Variants in DISP1 observed in about 807,000 individuals in gnomAD.
DISP1 encodes dispatched RND transporter family member 1.
A neutral mutation model predicts 37.3 loss-of-function variants in DISP1; 30 were observed. The observed-to-expected ratio is 0.80, with a 90% CI of 0.60 to 1.09. The LOEUF (loss-of-function observed/expected upper bound fraction) is 1.09, where lower values mean the gene tolerates loss of function less well. Ranked by LOEUF, DISP1 falls within the 50% of genes least tolerant of loss-of-function variation. The pLI is 0.00. For missense variants in DISP1, 1,598 were observed against 1,879.5 expected, an observed-to-expected ratio of 0.85 and a Z score of 2.77; for synonymous variants, 634 against 690.2, an observed-to-expected ratio of 0.92 and a Z score of 1.28.
intron 1 of DISP1, among the ~76,000 whole-genome samples, chr1:222,860,363 C>T (rs1668810230): frequency 6.6e-6 from 1 of 152,044 alleles, no homozygotes; most frequent in Non-Finnish European, 1.5e-5. Flanking sequence ...CTCATTTATT[C>T]TTTAAGTGAT....
intron 1 of DISP1, among the ~76,000 whole-genome samples, chr1:222,878,834 C>A (rs775932142): frequency 4.9e-4 from 74 of 152,074 alleles, no homozygotes; most frequent in Admixed American, 3.3e-4. Context: ...TTAAAAAGAT[C>A]TTTAAGGGAG....
chr1:222,851,541 A>G (rs1200863618), intron 1 of DISP1, among the ~76,000 whole-genome samples: 1 of 152,164 alleles, frequency 6.6e-6, no homozygotes. Flanking sequence ...AACTTTCTAT[A>G]CAATAAAAAG....
intron 1 of DISP1, among the ~76,000 whole-genome samples, chr1:222,829,797 T>C (rs1374264032): frequency 6.6e-6 from 1 of 152,172 alleles, no homozygotes; most frequent in Non-Finnish European, 1.5e-5. Context: ...TTTTTTCATA[T>C]ATTCTTATAT....
rs778076307 is a variant in DISP1 at position 223,005,845 on chromosome 1, G to A, written c.4448G>A (p.Cys1483Tyr). The stretch of plus-strand genomic sequence containing the variant: ...TCTTGCCCAAATAATTCACAAAGTT[G>A]TGGCAGAATTGTGAGAGTGAAGTGC... ...CRSCPNNSQS[C>Y]GRIVRVKCNS... The change falls in exon 9 of 9, where the codon TGT (cysteine) becomes TAT (tyrosine). Residue 1483 changes from cysteine (C) to tyrosine (Y), a missense_variant. Coordinates refer to ENST00000675850, the MANE Select transcript of DISP1 (RefSeq NM_001377229.1). 1.9e-6 allele frequency: 3 copies of A among 1,614,112 alleles called. No homozygotes were observed. The highest frequency in any genetic ancestry group is 1.1e-5 in the South Asian group (1 of 91,088).
At chr1:222,852,847 A>G (rs1276406253) in intron 1 of DISP1, among the ~76,000 whole-genome samples, 1 of 152,166 alleles carries the variant, frequency 6.6e-6, no homozygotes, top group African/African-American at 2.4e-5. Flanking sequence ...GAACATAGAT[A>G]ATACAATGCT....
chr1:223,004,865 T>C lies in DISP1; in HGVS notation c.3468T>C (p.His1156=), dbSNP rs944628649. ...PKKLQCSAFS[H]ALSTSPSDKG... ...AACTACAGTGCAGTGCCTTTTCCCA[T>C]GCCTTGTCTACAAGTCCCAGTGACA... The change falls in exon 9 of 9, where the codon CAT becomes CAC. Residue 1156 remains histidine (H), a synonymous_variant. Transcript: ENST00000675850. This position sits in a 1 kb window ranked among gnomAD's most constrained non-coding sequence, Gnocchi z 4.9. 1.2e-6 allele frequency: 2 copies of C among 1,609,138 alleles called. No homozygotes were observed. Among genetic ancestry groups the C allele is most frequent in the Admixed American group, 3.3e-5 (2 of 60,018 alleles).
intron 1 of DISP1, among the ~76,000 whole-genome samples, chr1:222,836,633 T>C (rs778813128): frequency 1.6e-4 from 24 of 151,958 alleles, no homozygotes; most frequent in Non-Finnish European, 3.2e-4. Flanking sequence ...GAATTAAATA[T>C]CAAGGTCCTT....
chr1:222,956,109 A>G (rs11487819), intron 3 of DISP1, among the ~76,000 whole-genome samples: 47,017 of 152,076 alleles, frequency 0.31, 7,473 homozygotes, highest in African/African-American at 0.35. Flanking sequence ...TTCGGACCCT[A>G]TTTGTGTGTC....
At chr1:222,957,102 T>C (rs1675655070) in intron 3 of DISP1, among the ~76,000 whole-genome samples, 1 of 149,932 alleles carries the variant, frequency 6.7e-6, no homozygotes, top group Non-Finnish European at 1.5e-5. Context: ...CCTGTCATCC[T>C]TTTCAGATTT....
chr1:222,984,433 TATAGAGAG>T (rs1308636648), intron 4 of DISP1, among the ~76,000 whole-genome samples: 2 of 99,526 alleles, frequency 2.0e-5, no homozygotes, highest in African/African-American at 8.6e-5. Flanking sequence ...TATATATATA[TATAGAGAG>T]AGAGAGAGAG....
At chr1:222,905,039 G>T (rs1338439074) in intron 1 of DISP1, among the ~76,000 whole-genome samples, 3 of 152,098 alleles carry the variant, frequency 2.0e-5, no homozygotes, top group Admixed American at 2.0e-4. Flanking sequence ...GACTTTTTAG[G>T]TGAGGATTCT....
chr1:222,986,939 G>A (rs1678316386), intron 4 of DISP1, among the ~76,000 whole-genome samples: 1 of 152,046 alleles, frequency 6.6e-6, no homozygotes, highest in Admixed American at 6.6e-5. Context: ...AGACAAATAT[G>A]ATTTGATATG....
intron 3 of DISP1, among the ~76,000 whole-genome samples, chr1:222,976,980 A>T (rs931860336): frequency 1.3e-5 from 2 of 152,204 alleles, no homozygotes; most frequent in African/African-American, 4.8e-5. Context: ...CTCTGGAAAA[A>T]CACATTTGCT....
At chr1:222,938,733 TAAAAA>T (rs33948431) in intron 2 of DISP1, among the ~76,000 whole-genome samples, 6 of 57,620 alleles carry the variant, frequency 1.0e-4, no homozygotes, top group East Asian at 4.9e-4. Flanking sequence ...ACCCTGTCTT[TAAAAA>T]AAAAAAAAAA....
Position 222,914,002 on chromosome 1 carries a change from G to GTTT in DISP1, c.-158-14414_-158-14412dup, listed in dbSNP as rs34776955. Among the ~76,000 whole-genome samples the GTTT allele has an allele frequency of 1.1e-4, 14 of 128,724 alleles. No homozygotes were observed. The East Asian group carries it at 1.4e-3, about 13-fold the overall frequency. 84.4% of individuals were successfully genotyped at this position (128,724 alleles called of 152,430 possible). On this transcript the variant is annotated intron_variant, in intron 1 of 8. Transcript: ENST00000675850. ...TACTGTTATATGTGTTTTTTTGGTT[G>GTTT]TTTTTTTTTTTTTTTTAACCCAAGC...
chr1:222,838,026 AT>A (rs1182104031), intron 1 of DISP1, among the ~76,000 whole-genome samples: 1 of 152,154 alleles, frequency 6.6e-6, no homozygotes, highest in Non-Finnish European at 1.5e-5. Flanking sequence ...TTTTCCTATT[AT>A]TTCTCAATAG....
chr1:222,874,362 C>T (rs1669815820), intron 1 of DISP1, among the ~76,000 whole-genome samples: 1 of 152,148 alleles, frequency 6.6e-6, no homozygotes, highest in African/African-American at 2.4e-5. Context: ...TAATATCCTG[C>T]AGAGTGTTTT....
At chr1:222,938,561 C>T (rs1473904472) in intron 2 of DISP1, among the ~76,000 whole-genome samples, 1 of 150,716 alleles carries the variant, frequency 6.6e-6, no homozygotes, top group Non-Finnish European at 1.5e-5. Flanking sequence ...TAGGAGAACC[C>T]ACCTCTACAA....
chr1:222,987,726 C>T (rs1678381243), intron 4 of DISP1, among the ~76,000 whole-genome samples: 1 of 152,112 alleles, frequency 6.6e-6, no homozygotes. Flanking sequence ...CTACTGCCCT[C>T]TATTGATAAC....
Sources: allele counts gnomAD v4.1 joint callset (sites outside exome capture counted in the v4.1 genomes callset), GRCh38; gene constraint gnomAD v4.1.1; non-coding constraint Gnocchi (gnomAD v3.1); transcripts MANE v1.5; gene names NCBI Gene and HGNC (gene_info 2026-07-23, HGNC 2026-07-21).